Variants in MEST observed in about 807,000 individuals in gnomAD.
The protein encoded by MEST is mesoderm specific transcript, also known as mesoderm-specific transcript homolog protein.
In MEST, 18 loss-of-function variants were observed where a neutral mutation model predicts 50.9. That is an observed-to-expected ratio of 0.35 (90% CI 0.24 to 0.52). The LOEUF (loss-of-function observed/expected upper bound fraction) is 0.52, where lower values mean the gene tolerates loss of function less well. MEST is among the 20% of genes least tolerant of loss of function. The pLI is 0.94. For missense variants in MEST, 282 were observed against 425.3 expected, an observed-to-expected ratio of 0.66 and a Z score of 2.96; for synonymous variants, 130 against 154.1, an observed-to-expected ratio of 0.84 and a Z score of 1.16.
rs1443239515 is a variant in MEST, at chr7:130,500,973, T to C, written c.749+83T>C. ...TTGCTTGTTCTGTTCCTTGCTGGCT[T>C]ATTCCCTATCACAGGAAGGCTGATG... is the stretch of plus-strand genomic sequence containing the variant. On this transcript the variant is annotated intron_variant, in intron 9 of 11. Transcript: ENST00000223215. This position sits in a 1 kb window ranked among gnomAD's most constrained non-coding sequence, Gnocchi z 5.0. 7.4e-6 allele frequency: 9 copies of C among 1,208,190 alleles called. No individual in the cohort carries two copies. The African/African-American group carries it at 1.2e-4, about 16-fold the overall frequency. 74.8% of individuals were successfully genotyped at this position (1,208,190 alleles called of 1,614,324 possible).
upstream of MEST, among the ~76,000 whole-genome samples, chr7:130,490,166 C>A (rs577438207): frequency 6.6e-6 from 1 of 152,156 alleles, no homozygotes; most frequent in Non-Finnish European, 1.5e-5. Context: ...AATAGGTAAT[C>A]TTTGACTTGT....
chr7:130,497,339 C>G lies in MEST; in HGVS notation c.261+104C>G. ...TGGGAGGCTGAGGTGGGAGGATGACCTGAGGTCAGGAGTTTGAGACCAGCC... is the reference window on the plus strand; with the variant it reads ...TGGGAGGCTGAGGTGGGAGGATGACGTGAGGTCAGGAGTTTGAGACCAGCC... On this transcript the variant is annotated intron_variant, in intron 3 of 11. Coordinates refer to ENST00000223215, the MANE Select transcript of MEST (RefSeq NM_002402.4). The surrounding 1 kb of genome is among the most constrained non-coding windows in gnomAD (Gnocchi z 4.0). 3 of 864,772 alleles carry G rather than the reference C, an allele frequency of 3.5e-6. No homozygotes were observed. The highest frequency in any genetic ancestry group is 5.4e-6 in the Non-Finnish European group (3 of 559,876). 53.6% of individuals were successfully genotyped at this position (864,772 alleles called of 1,614,324 possible).
rs1554438111 is a variant in MEST at position 130,499,876 on chromosome 7, T to C, written c.537T>C (p.Gly179=). ...TIKSLCLSNG[G]IFPETHRPLL... is the part of the protein sequence containing the mutation. ...GACTAAGATAAGTCTCTTCTACAGG[T>C]ATCTTTCCTGAGACTCACCGTCCAC... The change falls in exon 7 of 12, where the codon GGT becomes GGC. Residue 179 remains glycine (G), a splice_region_variant and synonymous_variant. Transcript: ENST00000223215. The C allele has an allele frequency of 1.9e-6, 3 of 1,609,918 alleles. No homozygotes were observed. Among genetic ancestry groups the C allele is most frequent in the Non-Finnish European group, 2.5e-6 (3 of 1,178,518 alleles).
At position 130,500,090 on chromosome 7, in the gene MEST, G is replaced by A; in HGVS notation, c.576+175G>A. On this transcript the variant is annotated intron_variant, in intron 7 of 11. Transcript: ENST00000223215. This position sits in a 1 kb window ranked among gnomAD's most constrained non-coding sequence, Gnocchi z 5.0. ...TTAGGCAACTAAAGCAGAGGCAGTG[G>A]CCCCTACGTAAACCCAAAACCAATC... 1.7e-6 allele frequency: 1 copy of A among 598,504 alleles called. No homozygotes were observed. The highest frequency in any genetic ancestry group is 4.3e-4 in the Middle Eastern group (1 of 2,310). 37.1% of individuals were successfully genotyped at this position (598,504 alleles called of 1,614,324 possible). A position where few individuals can be genotyped will look rare whatever the true frequency, so the allele number is the denominator to read the frequency against.
intron 2 of MEST, chr7:130,496,925 G>T: frequency 2.9e-6 from 1 of 339,362 alleles, no homozygotes. Context: ...GTGCCTTCAA[G>T]TATTTTCACA....
chr7:130,500,078 GC>G lies in MEST; in HGVS notation c.576+164del. Reference sequence around the variant, plus strand: ...CTTTTTCCCTTCTTAGGCAACTAAAGCAGAGGCAGTGGCCCCTACGTAAACC... The same window carrying G: ...CTTTTTCCCTTCTTAGGCAACTAAAGAGAGGCAGTGGCCCCTACGTAAACC... On this transcript the variant is annotated intron_variant, in intron 7 of 11. Coordinates refer to ENST00000223215, the MANE Select transcript of MEST (RefSeq NM_002402.4). The surrounding 1 kb of genome is among the most constrained non-coding windows in gnomAD (Gnocchi z 5.0). The G allele has an allele frequency of 1.6e-6, 1 of 641,734 alleles. No individual in the cohort carries two copies. The allele number at this position is 641,734 out of a possible 1,614,324, so 39.8% of individuals were successfully genotyped here.
rs1426435221 is a variant in MEST, at chr7:130,500,739, C to T, written c.648-50C>T. The T allele has an allele frequency of 6.7e-7, 1 of 1,495,374 alleles. No homozygotes were observed. Among genetic ancestry groups the T allele is most frequent in the Non-Finnish European group, 9.2e-7 (1 of 1,091,210 alleles). The allele number at this position is 1,495,374 out of a possible 1,614,324, so 92.6% of individuals were successfully genotyped here. A position where few individuals can be genotyped will look rare whatever the true frequency, so the allele number is the denominator to read the frequency against. On this transcript the variant is annotated intron_variant, in intron 8 of 11. Coordinates refer to ENST00000223215, the MANE Select transcript of MEST (RefSeq NM_002402.4). This position sits in a 1 kb window ranked among gnomAD's most constrained non-coding sequence, Gnocchi z 5.0. Reference sequence around the variant, plus strand: ...CCTCTGAGGTTCCAGCCATATTGAACATTCTGAGTTCTCCTCACACTTATC... The same window carrying T: ...CCTCTGAGGTTCCAGCCATATTGAATATTCTGAGTTCTCCTCACACTTATC...
intron 6 of MEST, chr7:130,498,821 G>T: frequency 2.8e-6 from 1 of 352,884 alleles, no homozygotes; most frequent in Non-Finnish European, 5.2e-6. Context: ...GGAGTGAGGA[G>T]TGTAAAGACT....
chr7:130,486,322 T>C (rs1336903548), exon 1 of MEST: 1 of 152,278 alleles, frequency 6.6e-6, no homozygotes, highest in East Asian at 1.9e-4. Context: ...CGAGAACCTC[T>C]GGCCTCAGGA....
rs782137670 is a variant in MEST at position 130,505,008 on chromosome 7, T to C, written c.960T>C (p.Asp320=). 2 of 1,613,864 alleles carry C rather than the reference T, an allele frequency of 1.2e-6. No individual in the cohort carries two copies. Among genetic ancestry groups the C allele is most frequent in the Non-Finnish European group, 1.7e-6 (2 of 1,179,790 alleles). ...DHISHYPQLE[D]PMGFLNAYMG... ...TTAGCCACTATCCACAGCTAGAGGA[T>C]CCCATGGGCTTCTTGAATGCATATA... is the stretch of plus-strand genomic sequence containing the variant. The change falls in exon 12 of 12, where the codon GAT becomes GAC. Residue 320 remains aspartate (D), a synonymous_variant. Coordinates refer to ENST00000223215, the MANE Select transcript of MEST (RefSeq NM_002402.4).
chr7:130,492,514 C>T lies in MEST; in HGVS notation c.26+175C>T, dbSNP rs1376995339. The T allele has an allele frequency of 1.4e-5, 6 of 440,434 alleles. No homozygotes were observed. Among genetic ancestry groups the T allele is most frequent in the African/African-American group, 1.2e-4 (6 of 49,028 alleles). The allele number at this position is 440,434 out of a possible 1,614,324, so 27.3% of individuals were successfully genotyped here. A position where few individuals can be genotyped will look rare whatever the true frequency, so the allele number is the denominator to read the frequency against. ...CCTACTTGAGGAGGGGGTGTCACTC[C>T]TGCCCGCAATGGAATGTTCAGAACG... is the stretch of plus-strand genomic sequence containing the variant. On this transcript the variant is annotated intron_variant, in intron 1 of 11. Coordinates refer to ENST00000223215, the MANE Select transcript of MEST (RefSeq NM_002402.4). The surrounding 1 kb of genome is among the most constrained non-coding windows in gnomAD (Gnocchi z 7.6).
chr7:130,492,517 C>A lies in MEST; in HGVS notation c.26+178C>A. 2.3e-6 allele frequency: 1 copy of A among 428,502 alleles called. No homozygotes were observed. The highest frequency in any genetic ancestry group is 3.9e-6 in the Non-Finnish European group (1 of 255,408). 26.5% of individuals were successfully genotyped at this position (428,502 alleles called of 1,614,324 possible). A position where few individuals can be genotyped will look rare whatever the true frequency, so the allele number is the denominator to read the frequency against. ...ACTTGAGGAGGGGGTGTCACTCCTG[C>A]CCGCAATGGAATGTTCAGAACGCGG... On this transcript the variant is annotated intron_variant, in intron 1 of 11. Transcript: ENST00000223215. This position sits in a 1 kb window ranked among gnomAD's most constrained non-coding sequence, Gnocchi z 7.6.
chr7:130,502,834 C>A, intron 10 of MEST, 114 bp downstream of exon 10: 1 of 702,766 alleles, frequency 1.4e-6, no homozygotes. Flanking sequence ...ATAAGATACC[C>A]AGTTAAATTT....
chr7:130,492,416 C>A lies in MEST; in HGVS notation c.26+77C>A. 1 of 1,181,026 alleles carries A rather than the reference C, an allele frequency of 8.5e-7. No individual in the cohort carries two copies. The highest frequency in any genetic ancestry group is 1.1e-6 in the Non-Finnish European group (1 of 933,154). The allele number at this position is 1,181,026 out of a possible 1,614,324, so 73.2% of individuals were successfully genotyped here. On this transcript the variant is annotated intron_variant, in intron 1 of 11. Transcript: ENST00000223215. This position sits in a 1 kb window ranked among gnomAD's most constrained non-coding sequence, Gnocchi z 7.6. ...GCGCAGGCGAGCGGAGGACTGTGTG[C>A]CCGTGTCCGAGCTGGGGCTGCCTCT...
rs1274698761 is a variant in MEST, at chr7:130,500,117, T to C, written c.576+202T>C. The C allele has an allele frequency of 1.8e-6, 1 of 555,334 alleles. No individual in the cohort carries two copies. Among genetic ancestry groups the C allele is most frequent in the Admixed American group, 3.6e-5 (1 of 27,940 alleles). 34.4% of individuals were successfully genotyped at this position (555,334 alleles called of 1,614,324 possible). On this transcript the variant is annotated intron_variant, in intron 7 of 11. Coordinates refer to ENST00000223215, the MANE Select transcript of MEST (RefSeq NM_002402.4). The surrounding 1 kb of genome is among the most constrained non-coding windows in gnomAD (Gnocchi z 5.0). ...CCCTACGTAAACCCAAAACCAATCC[T>C]AAGAATAAGAGATCAACAAATATTT...
At chr7:130,494,722 T>C (rs1238184263) in intron 1 of MEST, 2 of 354,718 alleles carry the variant, frequency 5.6e-6, no homozygotes, top group African/African-American at 4.4e-5. Context: ...AGTGCAGCTA[T>C]CTTACTTTCA....
intron 10 of MEST, 41 bp downstream of exon 10, chr7:130,502,761 T>C: frequency 6.7e-7 from 1 of 1,494,236 alleles, no homozygotes; most frequent in Non-Finnish European, 9.3e-7. Flanking sequence ...TGAAGGACTA[T>C]AGGGTTAAAG....
Position 130,500,388 on chromosome 7 carries a change from A to G in MEST, c.577-74A>G. 7.8e-7 allele frequency: 1 copy of G among 1,281,960 alleles called. No homozygotes were observed. The allele number at this position is 1,281,960 out of a possible 1,614,324, so 79.4% of individuals were successfully genotyped here. Reference sequence around the variant, plus strand: ...AGATTTGGCTAAAGATTTAGTTCCTAGTATAAAACCTTTTGCCCCGGTGAG... The same window carrying G: ...AGATTTGGCTAAAGATTTAGTTCCTGGTATAAAACCTTTTGCCCCGGTGAG... On this transcript the variant is annotated intron_variant, in intron 7 of 11. Transcript: ENST00000223215. This position sits in a 1 kb window ranked among gnomAD's most constrained non-coding sequence, Gnocchi z 5.0.
chr7:130,495,731 CT>C (rs1378805733), intron 2 of MEST: 2 of 433,264 alleles, frequency 4.6e-6, no homozygotes, highest in Non-Finnish European at 7.9e-6. Context: ...CAGACCTTAC[CT>C]TTTAGTATAA....
Sources: allele counts gnomAD v4.1 joint callset (sites outside exome capture counted in the v4.1 genomes callset), GRCh38; gene constraint gnomAD v4.1.1; non-coding constraint Gnocchi (gnomAD v3.1); transcripts MANE v1.5; gene names NCBI Gene and HGNC (gene_info 2026-07-23, HGNC 2026-07-21).